Variants in GRIP2 observed in about 807,000 individuals in gnomAD.
The protein encoded by GRIP2 is glutamate receptor-interacting protein 2.
Under a neutral mutation model 108.3 loss-of-function variants are expected in GRIP2, and 58 were observed. That is an observed-to-expected ratio of 0.54 (90% CI 0.43 to 0.67). GRIP2 has a LOEUF of 0.67. GRIP2 is among the 30% of genes least tolerant of loss of function. The pLI, the probability that GRIP2 is intolerant of heterozygous loss-of-function variation, is 0.00. For missense variants in GRIP2, 1,278 were observed against 1,430.6 expected (o/e 0.89, Z 1.72); for synonymous variants, 586 against 598.2 (o/e 0.98, Z 0.30).
the GRIP2 span, among the ~76,000 whole-genome samples, chr3:14,578,879 A>C: frequency 6.7e-6 from 1 of 148,976 alleles, no homozygotes; most frequent in South Asian, 2.1e-4. Context: ...TCTGGCCCTC[A>C]ATTTCCTCTC....
Position 14,522,734 on chromosome 3 carries a change from A to C in GRIP2, c.566+266T>G. On this transcript the variant is annotated intron_variant, in intron 6 of 23. Transcript: ENST00000621039. This position sits in a 1 kb window ranked among gnomAD's most constrained non-coding sequence, Gnocchi z 4.3. ...GGAAAACCAAGGAGCAGGAAAGGGA[A>C]GAACGACACCAAGGCTGCCCCTCTC... 2.1e-6 allele frequency: 1 copy of C among 465,750 alleles called. No individual in the cohort carries two copies. 28.9% of individuals were successfully genotyped at this position (465,750 alleles called of 1,614,324 possible).
the GRIP2 span, among the ~76,000 whole-genome samples, chr3:14,583,138 G>A: frequency 6.2e-4 from 94 of 152,182 alleles, no homozygotes; most frequent in Admixed American, 1.5e-3. Context: ...GCTTTCTTTC[G>A]GCTCTGGGGG....
At chr3:14,503,178 C>T (rs1465889799) in intron 21 of GRIP2, among the ~76,000 whole-genome samples, 2 of 152,024 alleles carry the variant, frequency 1.3e-5, no homozygotes, top group Non-Finnish European at 1.5e-5. Flanking sequence ...CACATACATA[C>T]AAAAATACCA....
chr3:14,545,628 G>A (rs908823634), upstream of GRIP2, among the ~76,000 whole-genome samples: 1 of 152,228 alleles, frequency 6.6e-6, no homozygotes, highest in Non-Finnish European at 1.5e-5. Context: ...GAGCACAGCT[G>A]TACAGTGGGC....
rs959424084 is a variant in GRIP2, at chr3:14,518,969, T to C, written c.1031-1072A>G. ...AGCTCAGTTAATGAGAGCCAAGGGG[T>C]TGTACGCAGATGTGTAGCCTTGCAA... On this transcript the variant is annotated intron_variant, in intron 9 of 23. Coordinates refer to ENST00000621039, the MANE Select transcript of GRIP2 (RefSeq NM_001080423.4). Among the ~76,000 whole-genome samples, 5 of 152,052 alleles carry C rather than the reference T, an allele frequency of 3.3e-5. No homozygotes were observed. The East Asian group carries it at 7.7e-4, about 23-fold the overall frequency.
chr3:14,600,943 T>C, the GRIP2 span, among the ~76,000 whole-genome samples: 1 of 152,134 alleles, frequency 6.6e-6, no homozygotes, highest in East Asian at 1.9e-4. Context: ...AAAGCCATTG[T>C]TGGTGTCACA....
At chr3:14,597,540 C>T in the GRIP2 span, among the ~76,000 whole-genome samples, 5 of 151,988 alleles carry the variant, frequency 3.3e-5, no homozygotes, top group African/African-American at 4.8e-5. Flanking sequence ...AGCCCTGAGG[C>T]TTTTTTTATG....
chr3:14,513,552 G>C, intron 13 of GRIP2, 113 bp downstream of exon 13: 1 of 1,343,854 alleles, frequency 7.4e-7, no homozygotes, highest in East Asian at 2.5e-5. Context: ...TGGGAGAAGG[G>C]CACTGGGCAC....
upstream of GRIP2, chr3:14,542,023 C>T (rs772298944): frequency 8.1e-6 from 11 of 1,353,548 alleles, no homozygotes; most frequent in Non-Finnish European, 1.1e-5. Flanking sequence ...CAGATCCTCA[C>T]CCCACTCGCC....
At chr3:14,593,613 G>A in the GRIP2 span, among the ~76,000 whole-genome samples, 15 of 152,304 alleles carry the variant, frequency 9.8e-5, no homozygotes, top group East Asian at 1.7e-3. Flanking sequence ...CATGGTTCAC[G>A]AGGCGCAGGC....
At chr3:14,588,627 C>G in the GRIP2 span, among the ~76,000 whole-genome samples, 1 of 152,170 alleles carries the variant, frequency 6.6e-6, no homozygotes, top group African/African-American at 2.4e-5. Flanking sequence ...GCCCACAAAC[C>G]CCTGGATATA....
the GRIP2 span, chr3:14,574,164 G>A: frequency 2.0e-5 from 18 of 910,778 alleles, no homozygotes; most frequent in Non-Finnish European, 9.3e-6. Context: ...GGCTAGAATG[G>A]TGACGAGCAA....
the GRIP2 span, among the ~76,000 whole-genome samples, chr3:14,598,040 T>C: frequency 3.9e-5 from 6 of 152,170 alleles, no homozygotes; most frequent in Non-Finnish European, 8.8e-5. Context: ...CAGCAGGAAG[T>C]GCATTAGCTC....
chr3:14,523,279 TTC>T (rs938423986), intron 5 of GRIP2: 4 of 587,492 alleles, frequency 6.8e-6, no homozygotes, highest in African/African-American at 5.6e-5. Context: ...GACCAAAGTC[TTC>T]TCTCTGTTAA....
chr3:14,503,408 AT>A (rs1693822447), intron 21 of GRIP2, among the ~76,000 whole-genome samples, 157 bp downstream of exon 21: 1 of 152,228 alleles, frequency 6.6e-6, no homozygotes. Context: ...GTCTGTACAT[AT>A]GTGAAGACAC....
chr3:14,560,504 G>A (rs377601563), upstream of GRIP2, among the ~76,000 whole-genome samples: 4 of 152,106 alleles, frequency 2.6e-5, no homozygotes, highest in South Asian at 2.1e-4. Context: ...CCCCAGCCAC[G>A]GCAAGCAGCT....
chr3:14,576,921 C>T, the GRIP2 span, among the ~76,000 whole-genome samples: 544 of 152,342 alleles, frequency 3.6e-3, 2 homozygotes, highest in Admixed American at 6.8e-3. Flanking sequence ...CAAGCTTTTC[C>T]ACTTTCAGTC....
chr3:14,518,002 G>C (rs1694304395), intron 9 of GRIP2, 105 bp from the exon 10 acceptor site: 2 of 1,313,116 alleles, frequency 1.5e-6, no homozygotes, highest in Non-Finnish European at 2.0e-6. Context: ...CTTCCCCTGA[G>C]CCAGGCAAGG....
chr3:14,502,013 T>C (rs1223611781), intron 21 of GRIP2, among the ~76,000 whole-genome samples: 1 of 152,146 alleles, frequency 6.6e-6, no homozygotes, highest in East Asian at 1.9e-4. Context: ...ATAGGAAGTA[T>C]AAATTATATA....
Sources: gnomAD v4.1 joint callset for allele counts (sites outside exome capture counted in the v4.1 genomes callset) on GRCh38, gnomAD v4.1.1 for gene constraint, Gnocchi (gnomAD v3.1) non-coding constraint, MANE v1.5 for transcripts, NCBI Gene and HGNC (gene_info 2026-07-23, HGNC 2026-07-21) for gene names.